NRG1: variants seen among roughly 807,000 people sequenced by gnomAD.
NRG1 encodes the protein pro-neuregulin-1, membrane-bound isoform.
NRG1 carries 18 observed loss-of-function variants against 63.8 expected under a neutral mutation model. That is an observed-to-expected ratio of 0.28 (90% CI 0.19 to 0.42). The LOEUF (loss-of-function observed/expected upper bound fraction) is 0.42, where lower values mean the gene tolerates loss of function less well. Ranked by LOEUF, NRG1 falls within the 10% of genes least tolerant of loss-of-function variation. NRG1 has a pLI of 1.00. For missense variants in NRG1, 762 were observed against 814.7 expected (o/e 0.94, Z 0.79); for synonymous variants, 302 against 301.3 (o/e 1.00, Z -0.02).
intron 1 of NRG1, among the ~76,000 whole-genome samples, chr8:31,920,638 G>C (rs369634727): frequency 4.6e-5 from 7 of 152,066 alleles, no homozygotes; most frequent in Non-Finnish European, 1.0e-4. Flanking sequence ...AGTCTGCCTG[G>C]GTTCAAATCC....
intron 1 of NRG1, among the ~76,000 whole-genome samples, chr8:31,730,650 A>G (rs534575616): frequency 6.6e-6 from 1 of 152,280 alleles, no homozygotes; most frequent in South Asian, 2.1e-4. Flanking sequence ...AAAACAAAGT[A>G]TTAGAAGAAT....
chr8:32,152,788 A>T (rs2131838290), intron 1 of NRG1, among the ~76,000 whole-genome samples: 1 of 152,286 alleles, frequency 6.6e-6, no homozygotes, highest in Admixed American at 6.5e-5. Context: ...TCAAGTCAAA[A>T]AAAAGTTTTA....
At chr8:32,102,206 C>T (rs75808388) in intron 1 of NRG1, among the ~76,000 whole-genome samples, 1,571 of 152,242 alleles carry the variant, frequency 0.01, 13 homozygotes, top group Middle Eastern at 0.024. Flanking sequence ...GGAACAATTT[C>T]GACTCATTGT....
At chr8:31,776,518 T>A (rs1819155318) in intron 1 of NRG1, among the ~76,000 whole-genome samples, 1 of 152,158 alleles carries the variant, frequency 6.6e-6, no homozygotes, top group Admixed American at 6.5e-5. Flanking sequence ...TTTGTTAAGG[T>A]CCAGGCCCCA....
At chr8:31,960,342 G>A (rs1805242926) in intron 1 of NRG1, among the ~76,000 whole-genome samples, 1 of 152,126 alleles carries the variant, frequency 6.6e-6, no homozygotes, top group South Asian at 2.1e-4. Flanking sequence ...AGTTCATATA[G>A]GGAGTGAGTG....
chr8:32,179,980 T>C (rs1016251548), intron 1 of NRG1, among the ~76,000 whole-genome samples: 3 of 152,218 alleles, frequency 2.0e-5, no homozygotes, highest in African/African-American at 7.2e-5. Flanking sequence ...GCCTCCATTC[T>C]AATGCCATTC....
intron 1 of NRG1, among the ~76,000 whole-genome samples, chr8:32,045,856 A>T (rs1164150889): frequency 6.6e-6 from 1 of 152,032 alleles, no homozygotes; most frequent in African/African-American, 2.4e-5. Flanking sequence ...TAAAATGTTT[A>T]GAAGAAAATC....
chr8:32,220,225 T>C (rs1465709928), intron 1 of NRG1, among the ~76,000 whole-genome samples: 1 of 152,196 alleles, frequency 6.6e-6, no homozygotes, highest in Non-Finnish European at 1.5e-5. Context: ...ATTGTTATTT[T>C]TAAAAATGTC....
rs1829344083 is a variant in NRG1, at chr8:32,754,610, C to T, written c.794+136C>T. ...AAGGAGGGGCAGGGGGAGATTATTTCCTCTGAATAATCCATTTTGAGGATG... is the reference window on the plus strand; with the variant it reads ...AAGGAGGGGCAGGGGGAGATTATTTTCTCTGAATAATCCATTTTGAGGATG... On this transcript the variant is annotated intron_variant, in intron 8 of 11. Coordinates refer to ENST00000356819, the Ensembl canonical transcript of NRG1. The T allele has an allele frequency of 4.1e-6, 3 of 737,752 alleles. No homozygotes were observed. The South Asian group carries it at 5.1e-5, about 13-fold the overall frequency. 45.7% of individuals were successfully genotyped at this position (737,752 alleles called of 1,614,324 possible). A position where few individuals can be genotyped will look rare whatever the true frequency, so the allele number is the denominator to read the frequency against.
intron 1 of NRG1, among the ~76,000 whole-genome samples, chr8:32,449,412 C>T (rs1244022715): frequency 6.7e-6 from 1 of 149,622 alleles, no homozygotes; most frequent in East Asian, 1.9e-4. Flanking sequence ...TCTCTCCAGC[C>T]TAAAAAAAAA....
chr8:32,364,270 C>A (rs1807654319), intron 1 of NRG1, among the ~76,000 whole-genome samples: 1 of 151,878 alleles, frequency 6.6e-6, no homozygotes, highest in African/African-American at 2.4e-5. Context: ...ACAAAAGGTA[C>A]AAGAAATATA....
At chr8:32,295,878 A>C (rs1854787516) in intron 1 of NRG1, among the ~76,000 whole-genome samples, 1 of 149,832 alleles carries the variant, frequency 6.7e-6, no homozygotes, top group Admixed American at 6.7e-5. Flanking sequence ...CGGAGGTTGC[A>C]GTGAGCCAAG....
At chr8:32,734,125 G>A (rs571732705) in intron 6 of NRG1, among the ~76,000 whole-genome samples, 1 of 152,296 alleles carries the variant, frequency 6.6e-6, no homozygotes. Context: ...GTTTAGGGAA[G>A]CGAGTCTTCC....
chr8:31,919,887 A>G (rs1402171286), intron 1 of NRG1, among the ~76,000 whole-genome samples: 1 of 152,146 alleles, frequency 6.6e-6, no homozygotes, highest in Non-Finnish European at 1.5e-5. Context: ...AGAGAAAAAA[A>G]CATTTAATGT....
At chr8:32,398,804 G>A (rs2129484472) in intron 1 of NRG1, among the ~76,000 whole-genome samples, 1 of 152,286 alleles carries the variant, frequency 6.6e-6, no homozygotes, top group Non-Finnish European at 1.5e-5. Flanking sequence ...CAATTATTGG[G>A]AGGTATCAAT....
At chr8:32,522,259 C>T (rs71512637) in intron 1 of NRG1, among the ~76,000 whole-genome samples, 8,037 of 152,270 alleles carry the variant, frequency 0.053, 287 homozygotes, top group Middle Eastern at 0.085. Context: ...TTGATTAAAA[C>T]GAGACATTTG....
chr8:32,144,643 C>A (rs981106836), intron 1 of NRG1, among the ~76,000 whole-genome samples: 3 of 152,194 alleles, frequency 2.0e-5, no homozygotes, highest in Non-Finnish European at 2.9e-5. Context: ...CCATTCTCAG[C>A]ATTTTTGCTG....
intron 1 of NRG1, among the ~76,000 whole-genome samples, chr8:31,908,668 GC>G (rs1832711124): frequency 6.6e-6 from 1 of 152,138 alleles, no homozygotes. Flanking sequence ...AAGTTAACTT[GC>G]CAAAATATTA....
At chr8:31,826,440 C>G (rs921752280) in intron 1 of NRG1, among the ~76,000 whole-genome samples, 1 of 152,212 alleles carries the variant, frequency 6.6e-6, no homozygotes, top group Non-Finnish European at 1.5e-5. Context: ...CATGCTCCCT[C>G]TTTCCTGTCG....
Sources: gnomAD v4.1 joint callset for allele counts (sites outside exome capture counted in the v4.1 genomes callset) on GRCh38, gnomAD v4.1.1 for gene constraint, MANE v1.5 for transcripts, NCBI Gene and HGNC (gene_info 2026-07-23, HGNC 2026-07-21) for gene names.